MGMT: variants seen among roughly 807,000 people sequenced by gnomAD.
The protein encoded by MGMT is O-6-methylguanine-DNA methyltransferase.
In MGMT, 14 loss-of-function variants were observed where a neutral mutation model predicts 15.9. The observed-to-expected ratio is 0.88, with a 90% CI of 0.58 to 1.37. The LOEUF (loss-of-function observed/expected upper bound fraction) is 1.37, where lower values mean the gene tolerates loss of function less well. MGMT is among the 40% of genes most tolerant of loss of function. The pLI, the probability that MGMT is intolerant of heterozygous loss-of-function variation, is 0.00. For missense variants in MGMT, 282 were observed against 268.1 expected (o/e 1.05, Z -0.36); for synonymous variants, 130 against 118.2 (o/e 1.10, Z -0.65).
At chr10:129,523,438 A>G (rs1845834762) in intron 1 of MGMT, among the ~76,000 whole-genome samples, 2 of 152,164 alleles carry the variant, frequency 1.3e-5, no homozygotes, top group Admixed American at 6.5e-5. Flanking sequence ...ATGAAGGCTC[A>G]AGTGTAGTAT....
chr10:129,641,383 A>G (rs1476527872), intron 2 of MGMT, among the ~76,000 whole-genome samples: 3 of 152,200 alleles, frequency 2.0e-5, no homozygotes, highest in Non-Finnish European at 4.4e-5. Flanking sequence ...TGGATTTAAC[A>G]TGATTCCAGT....
At chr10:129,737,276 C>T (rs1385726298) in intron 3 of MGMT, among the ~76,000 whole-genome samples, 1 of 152,140 alleles carries the variant, frequency 6.6e-6, no homozygotes, top group Admixed American at 6.6e-5. Flanking sequence ...TCTTTTTTCT[C>T]TAAACTTCTC....
intron 1 of MGMT, among the ~76,000 whole-genome samples, chr10:129,523,895 A>G (rs1845840440): frequency 6.6e-6 from 1 of 152,182 alleles, no homozygotes; most frequent in Non-Finnish European, 1.5e-5. Flanking sequence ...TCAGATTCCC[A>G]TGGTGGGTTT....
intron 1 of MGMT, among the ~76,000 whole-genome samples, chr10:129,534,366 G>C (rs960294498): frequency 2.0e-5 from 3 of 152,044 alleles, no homozygotes; most frequent in African/African-American, 7.2e-5. Flanking sequence ...ATGGTTTCTG[G>C]CACATCCCAT....
At chr10:129,641,903 T>C (rs1381915131) in intron 2 of MGMT, among the ~76,000 whole-genome samples, 1 of 152,232 alleles carries the variant, frequency 6.6e-6, no homozygotes, top group African/African-American at 2.4e-5. Context: ...ATCCACATAA[T>C]GTATGCGGCA....
chr10:129,642,735 T>A (rs1847341597), intron 2 of MGMT, among the ~76,000 whole-genome samples: 1 of 152,154 alleles, frequency 6.6e-6, no homozygotes, highest in South Asian at 2.1e-4. Context: ...CAGGTGTATG[T>A]TCCTGGCCTG....
chr10:129,620,600 T>A (rs901926638), intron 2 of MGMT, among the ~76,000 whole-genome samples: 6 of 152,224 alleles, frequency 3.9e-5, no homozygotes, highest in Admixed American at 2.0e-4. Context: ...TCTCCAGCCA[T>A]TTTTCTTACT....
chr10:129,496,154 C>G (rs1845518765), intron 1 of MGMT, among the ~76,000 whole-genome samples: 1 of 152,134 alleles, frequency 6.6e-6, no homozygotes, highest in African/African-American at 2.4e-5. Context: ...TCTTAGAGAT[C>G]AAATGTTGCT....
chr10:129,621,217 A>G (rs1172855168), intron 2 of MGMT, among the ~76,000 whole-genome samples: 1 of 152,232 alleles, frequency 6.6e-6, no homozygotes, highest in Admixed American at 6.5e-5. Flanking sequence ...TTAACTTCTC[A>G]TGATCTACAT....
intron 2 of MGMT, among the ~76,000 whole-genome samples, chr10:129,706,686 G>A (rs760198247): frequency 1.3e-5 from 2 of 152,174 alleles, no homozygotes; most frequent in Admixed American, 1.3e-4. Context: ...GGCTTCCCAC[G>A]GGGGTCCACA....
At chr10:129,595,705 A>G (rs1392173338) in intron 2 of MGMT, among the ~76,000 whole-genome samples, 1 of 152,142 alleles carries the variant, frequency 6.6e-6, no homozygotes, top group Admixed American at 6.5e-5. Context: ...TCAGATGCTC[A>G]GCTTTCCAGG....
chr10:129,636,692 G>A (rs1847268744), intron 2 of MGMT, among the ~76,000 whole-genome samples: 1 of 152,122 alleles, frequency 6.6e-6, no homozygotes, highest in South Asian at 2.1e-4. Flanking sequence ...TTTTCCCCCA[G>A]AATGAAAGAT....
chr10:129,483,065 A>C (rs1161266437), intron 1 of MGMT, among the ~76,000 whole-genome samples: 1 of 152,088 alleles, frequency 6.6e-6, no homozygotes, highest in African/African-American at 2.4e-5. Context: ...CTTGTTAGCT[A>C]TCTCTCTTCT....
At chr10:129,688,690 A>C (rs1847937196) in intron 2 of MGMT, among the ~76,000 whole-genome samples, 1 of 152,174 alleles carries the variant, frequency 6.6e-6, no homozygotes, top group Non-Finnish European at 1.5e-5. Context: ...GAAGCTCTTT[A>C]GTTTAAAGAC....
intron 1 of MGMT, among the ~76,000 whole-genome samples, chr10:129,471,775 C>T (rs1845234131): frequency 6.6e-6 from 1 of 152,096 alleles, no homozygotes; most frequent in South Asian, 2.1e-4. Flanking sequence ...TAGGGAAGGC[C>T]TTAGGATCCT....
intron 2 of MGMT, among the ~76,000 whole-genome samples, chr10:129,642,467 T>C (rs958421325): frequency 1.3e-5 from 2 of 152,138 alleles, no homozygotes; most frequent in Middle Eastern, 3.4e-3. Context: ...TTAAGAACAA[T>C]AGACAAAGGA....
At chr10:129,522,080 C>T (rs905980527) in intron 1 of MGMT, among the ~76,000 whole-genome samples, 1 of 142,500 alleles carries the variant, frequency 7.0e-6, no homozygotes, top group African/African-American at 2.6e-5. Context: ...AACCACAGAA[C>T]GTAATGGAGA....
At chr10:129,758,358 G>A (rs552858459) in intron 3 of MGMT, among the ~76,000 whole-genome samples, 4 of 152,248 alleles carry the variant, frequency 2.6e-5, no homozygotes, top group African/African-American at 7.2e-5. Flanking sequence ...GAGCCCCTGC[G>A]ATGGAGGACA....
chr10:129,732,764 G>A (rs1345498121), intron 3 of MGMT, among the ~76,000 whole-genome samples: 1 of 142,702 alleles, frequency 7.0e-6, no homozygotes, highest in African/African-American at 2.6e-5. Flanking sequence ...GTGTCCATGT[G>A]TTCTCATTGT....
Sources: gnomAD v4.1 joint callset for allele counts (sites outside exome capture counted in the v4.1 genomes callset) on GRCh38, gnomAD v4.1.1 for gene constraint, MANE v1.5 for transcripts, NCBI Gene and HGNC (gene_info 2026-07-23, HGNC 2026-07-21) for gene names.